The following RASGRF2 variants were observed in gnomAD, a reference collection of about 807,000 sequenced individuals.
The protein encoded by RASGRF2 is ras-specific guanine nucleotide-releasing factor 2.
A neutral mutation model predicts 151.0 loss-of-function variants in RASGRF2; 76 were observed. That is an observed-to-expected ratio of 0.50 (90% CI 0.42 to 0.61). The LOEUF (loss-of-function observed/expected upper bound fraction) is 0.61. RASGRF2 is among the 20% of genes least tolerant of loss of function. RASGRF2 has a pLI of 0.00. For synonymous variants in RASGRF2, 504 were observed against 566.5 expected, an observed-to-expected ratio of 0.89 and a Z score of 1.57; for missense variants, 1,148 against 1,564.6, an observed-to-expected ratio of 0.73 and a Z score of 4.49.
chr5:81,039,233 T>C (rs1436295927), intron 1 of RASGRF2, among the ~76,000 whole-genome samples: 1 of 152,154 alleles, frequency 6.6e-6, no homozygotes, highest in Admixed American at 6.5e-5. Context: ...TTTTGATTTT[T>C]CCAACTTTCT....
At chr5:81,203,640 G>A (rs961362627) in intron 19 of RASGRF2, among the ~76,000 whole-genome samples, 10 of 152,308 alleles carry the variant, frequency 6.6e-5, no homozygotes, top group African/African-American at 2.4e-4. Context: ...ACCTTTTGCA[G>A]GATGTCACAA....
At chr5:81,170,298 T>C (rs2112657867) in intron 17 of RASGRF2, among the ~76,000 whole-genome samples, 1 of 152,360 alleles carries the variant, frequency 6.6e-6, no homozygotes, top group South Asian at 2.1e-4. Flanking sequence ...CCCCCTCCAG[T>C]GCACACTGCA....
chr5:81,140,708 C>T (rs74577499), intron 17 of RASGRF2, among the ~76,000 whole-genome samples: 4,679 of 152,288 alleles, frequency 0.031, 257 homozygotes, highest in African/African-American at 0.1. Context: ...GCTGCACTGC[C>T]GAGTTCCTTT....
chr5:81,101,608 C>T (rs1272671735), intron 12 of RASGRF2, among the ~76,000 whole-genome samples: 2 of 152,076 alleles, frequency 1.3e-5, no homozygotes, highest in Non-Finnish European at 2.9e-5. Context: ...TATCTATCAT[C>T]TCTCTCTGTC....
At chr5:81,087,239 A>G (rs1242909112) in intron 9 of RASGRF2, 1 of 703,076 alleles carries the variant, frequency 1.4e-6, no homozygotes, top group Non-Finnish European at 2.6e-6. Flanking sequence ...AGCTCCAAGG[A>G]GGACCGGTCG....
rs140641645 is a variant in RASGRF2 at position 81,071,222 on chromosome 5, A to T, written c.633+641A>T. Among the ~76,000 whole-genome samples the T allele has an allele frequency of 6.6e-3, 1,012 of 152,330 alleles. 4 individuals are homozygous for T. Among genetic ancestry groups the T allele is most frequent in the Middle Eastern group, 0.014 (4 of 294 alleles). On this transcript the variant is annotated intron_variant, in intron 4 of 26. Coordinates refer to ENST00000265080, the MANE Select transcript of RASGRF2 (RefSeq NM_006909.3). Reference sequence around the variant, plus strand: ...GCTTTGTTAATAATAAGTGGAAAGCATCATATTTGAGGAAATTTCCCTGGA... The same window carrying T: ...GCTTTGTTAATAATAAGTGGAAAGCTTCATATTTGAGGAAATTTCCCTGGA...
chr5:81,067,898 A>G (rs962983583), intron 2 of RASGRF2, 134 bp from the exon 3 acceptor site: 8 of 691,174 alleles, frequency 1.2e-5, no homozygotes, highest in African/African-American at 9.2e-5. Context: ...GAAAGTTAAC[A>G]TTTATGTCAA....
chr5:81,128,729 G>C lies in RASGRF2; in HGVS notation c.2686+1566G>C, dbSNP rs77550097. ...TGAGTTGCTGTCAGTTAATTTTCAG[G>C]GTAAAGAAAAAGTACTTAAAATAAA... On this transcript the variant is annotated intron_variant, in intron 17 of 26. Transcript: ENST00000265080. 8.9e-3 allele frequency among the ~76,000 whole-genome samples: 1,348 copies of C among 151,820 alleles called. 44 individuals are homozygous for C. Among genetic ancestry groups the C allele is most frequent in the East Asian group, 0.084 (435 of 5,156 alleles).
chr5:81,214,134 C>G (rs1213306945), intron 23 of RASGRF2, among the ~76,000 whole-genome samples: 1 of 152,162 alleles, frequency 6.6e-6, no homozygotes, highest in Non-Finnish European at 1.5e-5. Flanking sequence ...AAGTGATATT[C>G]TTGTCTTTGA....
At chr5:81,179,735 T>C (rs1352104242) in intron 17 of RASGRF2, among the ~76,000 whole-genome samples, 2 of 152,224 alleles carry the variant, frequency 1.3e-5, no homozygotes, top group Non-Finnish European at 1.5e-5. Flanking sequence ...AGTAAAGTGT[T>C]TGAATCATCC....
intron 1 of RASGRF2, among the ~76,000 whole-genome samples, chr5:81,010,474 A>G (rs1749423207): frequency 6.6e-6 from 1 of 152,158 alleles, no homozygotes; most frequent in Non-Finnish European, 1.5e-5. Context: ...GAGCTCAATG[A>G]AAAACGCATT....
chr5:81,217,546 G>C (rs1755765661), intron 25 of RASGRF2, 73 bp downstream of exon 25: 1 of 465,792 alleles, frequency 2.1e-6, no homozygotes, highest in Non-Finnish European at 3.4e-6. Context: ...AGTAATAAAA[G>C]TCAATGTCTG....
chr5:81,123,885 A>T, intron 16 of RASGRF2, 118 bp downstream of exon 16: 6 of 1,313,256 alleles, frequency 4.6e-6, no homozygotes, highest in Non-Finnish European at 5.1e-6. Flanking sequence ...CACTTATTGA[A>T]AATTAATTGG....
At chr5:81,145,487 G>T (rs978722313) in intron 17 of RASGRF2, among the ~76,000 whole-genome samples, 5 of 152,156 alleles carry the variant, frequency 3.3e-5, no homozygotes, top group African/African-American at 4.8e-5. Flanking sequence ...GTGTGGGCTG[G>T]ACTTAGTAAC....
At chr5:80,996,506 TCCTCCTCCTCCTCCC>T (rs1156304923) in intron 1 of RASGRF2, among the ~76,000 whole-genome samples, 55 of 41,624 alleles carry the variant, frequency 1.3e-3, no homozygotes, top group Non-Finnish European at 1.9e-3. Flanking sequence ...TTCTTCTTCC[TCCTCCTCCTCCTCCC>T]CCTCCTCCTC....
intron 2 of RASGRF2, among the ~76,000 whole-genome samples, chr5:81,062,383 A>G (rs1751470934): frequency 6.6e-6 from 1 of 152,114 alleles, no homozygotes; most frequent in Admixed American, 6.5e-5. Context: ...ATATAATTAA[A>G]CCTCTATTGA....
At chr5:81,183,966 C>G (rs1184449953) in intron 18 of RASGRF2, among the ~76,000 whole-genome samples, 2 of 152,244 alleles carry the variant, frequency 1.3e-5, no homozygotes, top group African/African-American at 4.8e-5. Context: ...CTACAACCAG[C>G]CTGTAAGCTC....
chr5:81,025,276 C>T (rs552859181), intron 1 of RASGRF2, among the ~76,000 whole-genome samples: 58 of 152,310 alleles, frequency 3.8e-4, no homozygotes, highest in Middle Eastern at 3.4e-3. Flanking sequence ...TTCTACTTGC[C>T]GTTGGTGGGT....
chr5:80,982,722 T>C (rs574461809), intron 1 of RASGRF2, among the ~76,000 whole-genome samples: 119 of 151,856 alleles, frequency 7.8e-4, no homozygotes, highest in African/African-American at 2.8e-3. Flanking sequence ...TGCCTCAGTC[T>C]CCCGAGTAGC....
Sources: gnomAD v4.1 joint callset for allele counts (sites outside exome capture counted in the v4.1 genomes callset) on GRCh38, gnomAD v4.1.1 for gene constraint, MANE v1.5 for transcripts, NCBI Gene and HGNC (gene_info 2026-07-23, HGNC 2026-07-21) for gene names.